Variants in NT5E observed in about 807,000 individuals in gnomAD.
NT5E encodes 5'-nucleotidase.
A neutral mutation model predicts 55.1 loss-of-function variants in NT5E; 53 were observed. The observed-to-expected ratio is 0.96, with a 90% CI of 0.77 to 1.21. The LOEUF is 1.21. Among genes scored for constraint, NT5E ranks in the 50% most tolerant of loss-of-function variants. The pLI, the probability that NT5E is intolerant of heterozygous loss-of-function variation, is 0.00. For synonymous variants in NT5E, 270 were observed against 278.4 expected (o/e 0.97, Z 0.30); for missense variants, 683 against 724.3 (o/e 0.94, Z 0.65).
At chr6:85,463,301 G>T (rs899114145) in intron 1 of NT5E, among the ~76,000 whole-genome samples, 1 of 152,188 alleles carries the variant, frequency 6.6e-6, no homozygotes, top group African/African-American at 2.4e-5. Flanking sequence ...TAGAATTAGT[G>T]AAGGAATAGG....
chr6:85,451,851 T>C (rs1245023862), intron 1 of NT5E, among the ~76,000 whole-genome samples: 1 of 152,138 alleles, frequency 6.6e-6, no homozygotes. Flanking sequence ...AGGGCACCAT[T>C]GTTTGGTTTT....
intron 1 of NT5E, among the ~76,000 whole-genome samples, chr6:85,459,486 C>T (rs1172233270): frequency 6.6e-6 from 1 of 152,158 alleles, no homozygotes; most frequent in Admixed American, 6.5e-5. Context: ...TTTGTTTTAC[C>T]GTCTAACATT....
Position 85,488,667 on chromosome 6 carries a change from G to A in NT5E, c.1105-827G>A, listed in dbSNP as rs969687726. On this transcript the variant is annotated intron_variant, in intron 5 of 8. Transcript: ENST00000257770. The stretch of plus-strand genomic sequence containing the variant: ...ATGATCTCAGCTCACTGCAACCTCC[G>A]TCCCTTGGGTTCAAGCGATTCTCCT... 1.1e-4 allele frequency among the ~76,000 whole-genome samples: 17 copies of A among 152,098 alleles called. No individual in the cohort carries two copies. In the South Asian group the frequency reaches 2.5e-3, roughly 22 times the overall value.
chr6:85,489,211 C>T (rs962715552), intron 5 of NT5E, among the ~76,000 whole-genome samples: 24 of 152,214 alleles, frequency 1.6e-4, no homozygotes, highest in African/African-American at 4.3e-4. Flanking sequence ...GGCCCAGTCC[C>T]GACACCAGGG....
At chr6:85,471,597 A>G (rs1769309609) in intron 3 of NT5E, 172 bp downstream of exon 3, 1 of 326,038 alleles carries the variant, frequency 3.1e-6, no homozygotes, top group Middle Eastern at 8.5e-4. Flanking sequence ...CAAATCTTAC[A>G]AACATTACTA....
chr6:85,465,993 G>T (rs1440843514), intron 1 of NT5E, among the ~76,000 whole-genome samples: 1 of 152,170 alleles, frequency 6.6e-6, no homozygotes, highest in Non-Finnish European at 1.5e-5. Flanking sequence ...TCTGAGATTT[G>T]CTGGTTTAAG....
chr6:85,471,575 TG>T (rs1046151730), intron 3 of NT5E, 150 bp downstream of exon 3: 6 of 399,220 alleles, frequency 1.5e-5, no homozygotes, highest in Non-Finnish European at 2.2e-5. Context: ...ATACATTAAA[TG>T]GGAACATGTG....
Position 85,490,807 on chromosome 6 carries a change from G to A in NT5E, c.1360+150G>A. 3 of 834,412 alleles carry A rather than the reference G, an allele frequency of 3.6e-6. No individual in the cohort carries two copies. The South Asian group carries it at 4.5e-5, about 13-fold the overall frequency. The allele number at this position is 834,412 out of a possible 1,614,324, so 51.7% of individuals were successfully genotyped here. On this transcript the variant is annotated intron_variant, in intron 7 of 8. Coordinates refer to ENST00000257770, the MANE Select transcript of NT5E (RefSeq NM_002526.4). ...ACCAATACCTTACCCTTTAATGGCT[G>A]TGGACTCTCAGAGCCACTAAGATTA...
At chr6:85,483,524 A>T (rs1769589919) in intron 3 of NT5E, among the ~76,000 whole-genome samples, 1 of 152,230 alleles carries the variant, frequency 6.6e-6, no homozygotes, top group South Asian at 2.1e-4. Context: ...AAAGGCTTTC[A>T]CTGGATCTCA....
chr6:85,489,672 C>A, intron 6 of NT5E, 73 bp downstream of exon 6: 4 of 1,048,604 alleles, frequency 3.8e-6, no homozygotes, highest in Non-Finnish European at 5.9e-6. Context: ...TGGTTCTTGC[C>A]CTGAACACAC....
intron 3 of NT5E, among the ~76,000 whole-genome samples, chr6:85,480,183 A>G (rs556938407): frequency 1.3e-5 from 2 of 152,254 alleles, no homozygotes; most frequent in South Asian, 4.1e-4. Context: ...TGCCCAGCCT[A>G]TCAGGCTTGG....
At chr6:85,455,096 C>T (rs1236290443) in intron 1 of NT5E, among the ~76,000 whole-genome samples, 1 of 152,188 alleles carries the variant, frequency 6.6e-6, no homozygotes, top group Non-Finnish European at 1.5e-5. Context: ...TTGCCATGGG[C>T]AGCCATGTGG....
chr6:85,493,806 T>C (rs1194166852), intron 8 of NT5E, 35 bp from the exon 9 acceptor site: 7 of 1,571,028 alleles, frequency 4.5e-6, no homozygotes, highest in Admixed American at 3.3e-5. Context: ...ATAATTACCT[T>C]TTCTGTAGTT....
intron 5 of NT5E, 134 bp from the exon 6 acceptor site, chr6:85,489,360 T>A (rs1562145642): frequency 1.4e-6 from 1 of 706,654 alleles, no homozygotes; most frequent in Non-Finnish European, 2.6e-6. Flanking sequence ...CTAATTATAG[T>A]TGAGAGATCC....
At chr6:85,490,995 CT>C (rs755199051) in intron 7 of NT5E, 2 of 485,840 alleles carry the variant, frequency 4.1e-6, no homozygotes, top group South Asian at 3.2e-5. Context: ...TTTAAATCCT[CT>C]CCTCTGTTCT....
chr6:85,478,522 A>G (rs1005310440), intron 3 of NT5E, among the ~76,000 whole-genome samples: 5 of 151,632 alleles, frequency 3.3e-5, no homozygotes, highest in Non-Finnish European at 5.9e-5. Flanking sequence ...AGTGCTTTAA[A>G]CTCTAAGAAC....
chr6:85,480,674 G>A (rs1769529407), intron 3 of NT5E, among the ~76,000 whole-genome samples: 1 of 152,192 alleles, frequency 6.6e-6, no homozygotes, highest in African/African-American at 2.4e-5. Flanking sequence ...CTGGGTTCCA[G>A]CTCTACCAGG....
Position 85,491,959 on chromosome 6 carries a change from G to A in NT5E, c.1361-18G>A, listed in dbSNP as rs762386706. 1.9e-6 allele frequency: 3 copies of A among 1,611,002 alleles called. No homozygotes were observed. Among genetic ancestry groups the A allele is most frequent in the Non-Finnish European group, 2.5e-6 (3 of 1,177,278 alleles). ...TCTCCCTTTGGATCTGGTGAAAACA[G>A]ATTCATTTCTTTTCTAGGAATCCAT... On this transcript the variant is annotated intron_variant, in intron 7 of 8. Coordinates refer to ENST00000257770, the MANE Select transcript of NT5E (RefSeq NM_002526.4).
chr6:85,487,177 G>A (rs968680257), intron 4 of NT5E, among the ~76,000 whole-genome samples, 158 bp from the exon 5 acceptor site: 1 of 152,172 alleles, frequency 6.6e-6, no homozygotes, highest in Non-Finnish European at 1.5e-5. Context: ...CAAAATAGAA[G>A]TTCCTAAGGA....
Sources: gnomAD v4.1 joint callset for allele counts (sites outside exome capture counted in the v4.1 genomes callset) on GRCh38, gnomAD v4.1.1 for gene constraint, MANE v1.5 for transcripts, NCBI Gene and HGNC (gene_info 2026-07-23, HGNC 2026-07-21) for gene names.